The following PRIM2 variants were observed in gnomAD, a reference collection of about 807,000 sequenced individuals.
PRIM2 encodes the protein DNA primase large subunit.
A neutral mutation model predicts 67.3 loss-of-function variants in PRIM2; 39 were observed. The observed-to-expected ratio is 0.58, with a 90% CI of 0.45 to 0.76. The LOEUF is 0.76. Ranked by LOEUF, PRIM2 falls within the 30% of genes least tolerant of loss-of-function variation. PRIM2 has a pLI of 0.00. For synonymous variants in PRIM2, 143 were observed against 198.7 expected, an observed-to-expected ratio of 0.72 and a Z score of 2.36; for missense variants, 398 against 598.7, an observed-to-expected ratio of 0.66 and a Z score of 3.50.
intron 7 of PRIM2, among the ~76,000 whole-genome samples, chr6:57,500,518 A>G (rs1774109792): frequency 6.6e-6 from 1 of 152,250 alleles, no homozygotes; most frequent in African/African-American, 2.4e-5. Context: ...CACAGACTGC[A>G]AAGAATGGAA....
chr6:57,411,616 A>T (rs1771090944), intron 7 of PRIM2, among the ~76,000 whole-genome samples: 1 of 151,816 alleles, frequency 6.6e-6, no homozygotes, highest in Non-Finnish European at 1.5e-5. Context: ...TAAATTTTTT[A>T]AAATCTGTGA....
chr6:57,274,570 G>A, the PRIM2 span, among the ~76,000 whole-genome samples: 3,502 of 152,308 alleles, frequency 0.023, 127 homozygotes, highest in African/African-American at 0.079. Context: ...GACCCTTTGC[G>A]CTTCCCGGGT....
At chr6:57,487,614 C>T (rs1367225081) in intron 7 of PRIM2, among the ~76,000 whole-genome samples, 1 of 152,144 alleles carries the variant, frequency 6.6e-6, no homozygotes, top group East Asian at 1.9e-4. Flanking sequence ...ACACATTTAA[C>T]TTGTAGAGGA....
chr6:57,288,815 C>T, the PRIM2 span, among the ~76,000 whole-genome samples: 1 of 152,126 alleles, frequency 6.6e-6, no homozygotes, highest in African/African-American at 2.4e-5. Flanking sequence ...ACGTCAAAGA[C>T]CAAAGGTAGA....
intron 10 of PRIM2, among the ~76,000 whole-genome samples, chr6:57,559,136 A>G (rs1261182318): frequency 6.5e-5 from 6 of 92,568 alleles, no homozygotes; most frequent in Non-Finnish European, 1.5e-4. Flanking sequence ...CGTCTTAAAG[A>G]AAAAAAAAAA....
chr6:57,397,560 TC>T, intron 7 of PRIM2, among the ~76,000 whole-genome samples: 1 of 152,298 alleles, frequency 6.6e-6, no homozygotes, highest in Non-Finnish European at 1.5e-5. Context: ...CTTGAATATT[TC>T]CCCCTTCACT....
At chr6:57,270,005 C>A in the PRIM2 span, among the ~76,000 whole-genome samples, 5 of 152,106 alleles carry the variant, frequency 3.3e-5, no homozygotes, top group Non-Finnish European at 7.4e-5. Flanking sequence ...TGTTTTGGTA[C>A]CAGTACCATG....
chr6:57,316,222 C>G (rs554180378), upstream of PRIM2, among the ~76,000 whole-genome samples: 1 of 152,138 alleles, frequency 6.6e-6, no homozygotes, highest in African/African-American at 2.4e-5. Context: ...GTCAGGAGTT[C>G]GAGACCAGCT....
intron 3 of PRIM2, among the ~76,000 whole-genome samples, chr6:57,323,369 G>C (rs1048856661): frequency 6.6e-6 from 1 of 152,130 alleles, no homozygotes; most frequent in Non-Finnish European, 1.5e-5. Flanking sequence ...GCTGAGGTTG[G>C]TGTAAGAAGT....
intron 5 of PRIM2, among the ~76,000 whole-genome samples, chr6:57,359,325 G>A (rs2208352): frequency 4.0e-5 from 6 of 151,616 alleles, no homozygotes; most frequent in African/African-American, 1.5e-4. Flanking sequence ...TAATTGCCAT[G>A]CTGGAGAGGC....
chr6:57,400,999 C>G (rs1770688471), intron 7 of PRIM2, among the ~76,000 whole-genome samples: 1 of 152,180 alleles, frequency 6.6e-6, no homozygotes, highest in Non-Finnish European at 1.5e-5. Flanking sequence ...TTTCCTCCTT[C>G]AGCTCCTTTA....
At chr6:57,491,932 G>C (rs1554345992) in intron 7 of PRIM2, among the ~76,000 whole-genome samples, 2 of 152,126 alleles carry the variant, frequency 1.3e-5, no homozygotes, top group African/African-American at 2.4e-5. Context: ...TCCAGTGTGC[G>C]TGTGGCCCCT....
At chr6:57,485,751 G>A (rs1160971340) in intron 7 of PRIM2, among the ~76,000 whole-genome samples, 1 of 152,138 alleles carries the variant, frequency 6.6e-6, no homozygotes, top group Admixed American at 6.5e-5. Context: ...CCATGTGTAG[G>A]ACATTTTCCT....
intron 7 of PRIM2, among the ~76,000 whole-genome samples, chr6:57,488,718 A>C (rs1773808884): frequency 2.0e-5 from 3 of 152,206 alleles, no homozygotes; most frequent in Non-Finnish European, 4.4e-5. Flanking sequence ...CGACTCACAC[A>C]GGCTGTGGAT....
the PRIM2 span, among the ~76,000 whole-genome samples, chr6:57,247,798 C>T: frequency 6.6e-6 from 1 of 152,092 alleles, no homozygotes; most frequent in Non-Finnish European, 1.5e-5. Context: ...AAGGATTTCC[C>T]CTAGAAGGGA....
intron 10 of PRIM2, among the ~76,000 whole-genome samples, chr6:57,561,244 T>G (rs1352689206): frequency 2.0e-5 from 3 of 152,156 alleles, no homozygotes; most frequent in Admixed American, 2.0e-4. Context: ...TTGGTGTGTG[T>G]GTGTGGAGAT....
intron 13 of PRIM2, among the ~76,000 whole-genome samples, chr6:57,638,576 C>CA (rs1227220865): frequency 0.42 from 13,376 of 32,060 alleles, 3,078 homozygotes; most frequent in East Asian, 0.56. Flanking sequence ...AAACAGAAAG[C>CA]AAAAAAAAAA....
chr6:57,333,818 C>T (rs1372751415), intron 5 of PRIM2, among the ~76,000 whole-genome samples: 1 of 151,654 alleles, frequency 6.6e-6, no homozygotes, highest in African/African-American at 2.4e-5. Context: ...TGTATGTATT[C>T]ACTGTAAAAT....
At chr6:57,525,875 T>G (rs1774739347) in intron 8 of PRIM2, among the ~76,000 whole-genome samples, 1 of 152,226 alleles carries the variant, frequency 6.6e-6, no homozygotes. Flanking sequence ...ACAAAGGTGC[T>G]TAATAAGTGT....
Sources: gnomAD v4.1 joint callset for allele counts (sites outside exome capture counted in the v4.1 genomes callset) on GRCh38, gnomAD v4.1.1 for gene constraint, MANE v1.5 for transcripts, NCBI Gene and HGNC (gene_info 2026-07-23, HGNC 2026-07-21) for gene names.